Variants in DGKB observed in about 807,000 individuals in gnomAD.
DGKB encodes 90 kDa diacylglycerol kinase.
A neutral mutation model predicts 114.3 loss-of-function variants in DGKB; 67 were observed. That is an observed-to-expected ratio of 0.59 (90% CI 0.48 to 0.72). The LOEUF (loss-of-function observed/expected upper bound fraction) is 0.72. Among genes scored for constraint, DGKB ranks in the 30% least tolerant of loss-of-function variants. DGKB has a pLI of 0.00. For synonymous variants in DGKB, 398 were observed against 323.1 expected (o/e 1.23, Z -2.49); for missense variants, 907 against 975.2 (o/e 0.93, Z 0.93).
intron 20 of DGKB, among the ~76,000 whole-genome samples, chr7:14,564,960 G>A (rs1797178587): frequency 6.6e-6 from 1 of 151,976 alleles, no homozygotes; most frequent in Admixed American, 6.6e-5. Flanking sequence ...ACTGATTTAA[G>A]TATATGTTTA....
intron 9 of DGKB, among the ~76,000 whole-genome samples, chr7:14,691,575 G>T (rs1245603632): frequency 6.6e-6 from 1 of 152,066 alleles, no homozygotes; most frequent in Non-Finnish European, 1.5e-5. Context: ...CCATGCCTTA[G>T]AATTCAACAG....
chr7:14,176,932 A>G (rs755025724), intron 24 of DGKB, 33 bp from the exon 25 acceptor site: 8 of 1,611,430 alleles, frequency 5.0e-6, no homozygotes, highest in Non-Finnish European at 6.8e-6. Context: ...AAGTATTGCA[A>G]GGAAATACTT....
At chr7:14,417,998 C>T (rs1436124218) in intron 21 of DGKB, among the ~76,000 whole-genome samples, 1 of 150,994 alleles carries the variant, frequency 6.6e-6, no homozygotes. Context: ...TTGCTGATGC[C>T]TGGTCATCAT....
intron 2 of DGKB, among the ~76,000 whole-genome samples, chr7:14,822,693 G>C (rs1387878332): frequency 6.6e-6 from 1 of 152,040 alleles, no homozygotes; most frequent in Admixed American, 6.6e-5. Context: ...AAGAATTGTA[G>C]GTGTGGGTCT....
chr7:14,862,344 A>G (rs1305830746), intron 1 of DGKB, among the ~76,000 whole-genome samples: 2 of 152,104 alleles, frequency 1.3e-5, no homozygotes, highest in Non-Finnish European at 2.9e-5. Context: ...ATCAAATTTC[A>G]AGTAAATAAT....
chr7:14,250,776 T>A (rs1329265825), intron 23 of DGKB, among the ~76,000 whole-genome samples: 1 of 152,184 alleles, frequency 6.6e-6, no homozygotes, highest in Admixed American at 6.5e-5. Flanking sequence ...CTCCTTTCAG[T>A]TCAGTAAATA....
intron 5 of DGKB, among the ~76,000 whole-genome samples, chr7:14,734,815 A>T (rs1167693921): frequency 6.6e-6 from 1 of 152,206 alleles, no homozygotes; most frequent in Non-Finnish European, 1.5e-5. Flanking sequence ...TCAGGTCTTC[A>T]ATTTTTAAGA....
intron 20 of DGKB, among the ~76,000 whole-genome samples, chr7:14,513,347 C>T (rs946721097): frequency 1.3e-5 from 2 of 151,908 alleles, no homozygotes; most frequent in Non-Finnish European, 2.9e-5. Flanking sequence ...TTTAAGCTAT[C>T]ATATTTATGT....
In DGKB at chr7:14,421,036, A is replaced by G. The variant is rs149292798; in HGVS notation, c.1835+57125T>C. Reference sequence around the variant, plus strand: ...AAGCGTGGGCCAATCCTTCATTTGCATAAGGTGCCAATCCATTTCAGCCTC... The same window carrying G: ...AAGCGTGGGCCAATCCTTCATTTGCGTAAGGTGCCAATCCATTTCAGCCTC... On this transcript the variant is annotated intron_variant, in intron 21 of 25. Transcript: ENST00000402815. Among the ~76,000 whole-genome samples the G allele has an allele frequency of 3.3e-5, 5 of 152,212 alleles. 1 individual carries two copies. The highest frequency in any genetic ancestry group is 6.8e-3 in the Middle Eastern group (2 of 294).
chr7:14,516,615 C>A (rs1332682959), intron 20 of DGKB, among the ~76,000 whole-genome samples: 1 of 152,098 alleles, frequency 6.6e-6, no homozygotes. Context: ...TATTTCTAGG[C>A]ATTTTATTCT....
At chr7:14,513,544 A>G (rs1788299781) in intron 20 of DGKB, among the ~76,000 whole-genome samples, 1 of 152,020 alleles carries the variant, frequency 6.6e-6, no homozygotes, top group Admixed American at 6.6e-5. Context: ...TATTACCTAT[A>G]TTTTCATACT....
intron 8 of DGKB, among the ~76,000 whole-genome samples, chr7:14,695,131 G>A (rs1396209624): frequency 6.6e-6 from 1 of 152,178 alleles, no homozygotes; most frequent in Admixed American, 6.5e-5. Context: ...TAGAAGTATT[G>A]TCTGCCTAGA....
At chr7:14,704,279 CA>C (rs59838670) in intron 6 of DGKB, among the ~76,000 whole-genome samples, 45,947 of 103,542 alleles carry the variant, frequency 0.44, 9,946 homozygotes, top group East Asian at 0.8. Context: ...ACTAAAAATA[CA>C]AAAAAAAAAA....
chr7:14,543,515 A>G (rs371813291), intron 20 of DGKB, among the ~76,000 whole-genome samples: 67 of 152,286 alleles, frequency 4.4e-4, no homozygotes, highest in African/African-American at 1.6e-3. Context: ...TATCTGAAAG[A>G]ATGAAAATAA....
At chr7:14,926,571 C>T (rs1259733724) in intron 1 of DGKB, among the ~76,000 whole-genome samples, 1 of 150,842 alleles carries the variant, frequency 6.6e-6, no homozygotes, top group African/African-American at 2.4e-5. Context: ...AACCAGAAGT[C>T]CCATATTTCA....
intron 21 of DGKB, among the ~76,000 whole-genome samples, chr7:14,376,025 G>A (rs1186818569): frequency 6.6e-6 from 1 of 152,194 alleles, no homozygotes; most frequent in Non-Finnish European, 1.5e-5. Context: ...TACTGACCAT[G>A]CAAATTGTAT....
chr7:14,682,047 C>CT (rs1188011350), intron 12 of DGKB, among the ~76,000 whole-genome samples: 2 of 98,428 alleles, frequency 2.0e-5, no homozygotes, highest in Non-Finnish European at 3.9e-5. Context: ...CAAGGACAAT[C>CT]TGCTTAACTT....
intron 2 of DGKB, among the ~76,000 whole-genome samples, chr7:14,825,101 C>T (rs1483257070): frequency 7.5e-6 from 1 of 133,870 alleles, no homozygotes; most frequent in Non-Finnish European, 1.6e-5. Context: ...ATTAATTTAT[C>T]AATACTGTTG....
intron 25 of DGKB, among the ~76,000 whole-genome samples, chr7:14,158,225 C>G (rs1584113632): frequency 6.6e-6 from 1 of 152,186 alleles, no homozygotes; most frequent in African/African-American, 2.4e-5. Flanking sequence ...CGTGGAAACA[C>G]ATTTTGCTAA....
Sources: gnomAD v4.1 joint callset for allele counts (sites outside exome capture counted in the v4.1 genomes callset) on GRCh38, gnomAD v4.1.1 for gene constraint, MANE v1.5 for transcripts, NCBI Gene and HGNC (gene_info 2026-07-23, HGNC 2026-07-21) for gene names.